LPAR1: variants seen among roughly 807,000 people sequenced by gnomAD.
LPAR1 encodes the protein lysophosphatidic acid receptor 1, also known as LPA receptor 1.
Under a neutral mutation model 23.8 loss-of-function variants are expected in LPAR1, and 5 were observed. The observed-to-expected ratio is 0.21, with a 90% CI of 0.11 to 0.44. The LOEUF is 0.44. LPAR1 is among the 20% of genes least tolerant of loss of function. The pLI is 0.99. For missense variants in LPAR1, 311 were observed against 482.8 expected (o/e 0.64, Z 3.33); for synonymous variants, 160 against 164.7 (o/e 0.97, Z 0.22).
chr9:110,962,739 T>G (rs920874933), intron 4 of LPAR1, among the ~76,000 whole-genome samples: 1 of 152,200 alleles, frequency 6.6e-6, no homozygotes, highest in African/African-American at 2.4e-5. Flanking sequence ...AACACAATCA[T>G]GTATGAAATG....
intron 4 of LPAR1, among the ~76,000 whole-genome samples, chr9:110,968,341 T>C (rs781588815): frequency 3.3e-5 from 5 of 152,158 alleles, no homozygotes; most frequent in Non-Finnish European, 5.9e-5. Flanking sequence ...TGAGTTGGTA[T>C]AGGTGGCTCT....
chr9:110,968,320 A>G (rs1029039317), intron 4 of LPAR1, among the ~76,000 whole-genome samples: 1 of 152,078 alleles, frequency 6.6e-6, no homozygotes, highest in Non-Finnish European at 1.5e-5. Context: ...AAATTTAACA[A>G]TCTGCTTCTG....
chr9:111,025,198 C>T (rs1438756300), intron 2 of LPAR1, among the ~76,000 whole-genome samples: 1 of 152,208 alleles, frequency 6.6e-6, no homozygotes, highest in Non-Finnish European at 1.5e-5. Flanking sequence ...TCTCCACATC[C>T]TCTCCAGCAT....
chr9:110,889,734 T>C lies in LPAR1; in HGVS notation c.794-14012A>G, dbSNP rs2083494551. 3.3e-5 allele frequency among the ~76,000 whole-genome samples: 5 copies of C among 152,342 alleles called. No homozygotes were observed. The South Asian group carries it at 1.0e-3, about 32-fold the overall frequency. ...GCTTGTTTGCTGTACAAATAGCATA[T>C]TGTGGTTACAAAATAATCACTATTG... On this transcript the variant is annotated intron_variant, in intron 5 of 5. Transcript: ENST00000683809.
At chr9:110,920,707 G>A (rs961910736) in intron 5 of LPAR1, among the ~76,000 whole-genome samples, 22 of 152,222 alleles carry the variant, frequency 1.4e-4, no homozygotes, top group East Asian at 3.9e-4. Context: ...AGTAATTCAC[G>A]TCATCTCTCT....
intron 5 of LPAR1, among the ~76,000 whole-genome samples, chr9:110,922,438 C>T (rs376856733): frequency 6.6e-6 from 1 of 152,064 alleles, no homozygotes; most frequent in Non-Finnish European, 1.5e-5. Flanking sequence ...ATGGTGGTTT[C>T]CAATCTGAAT....
At chr9:110,957,070 A>G (rs1186647785) in intron 4 of LPAR1, among the ~76,000 whole-genome samples, 1 of 152,174 alleles carries the variant, frequency 6.6e-6, no homozygotes, top group Non-Finnish European at 1.5e-5. Context: ...TAACACATCA[A>G]AAAGATAATA....
At chr9:110,986,661 G>A (rs1167845000) in intron 2 of LPAR1, among the ~76,000 whole-genome samples, 3 of 152,068 alleles carry the variant, frequency 2.0e-5, no homozygotes, top group Non-Finnish European at 4.4e-5. Context: ...GAAAATTAGG[G>A]AAGAAAAGAG....
At chr9:110,976,483 C>T (rs2096558186) in intron 2 of LPAR1, among the ~76,000 whole-genome samples, 2 of 152,108 alleles carry the variant, frequency 1.3e-5, no homozygotes, top group Admixed American at 1.3e-4. Flanking sequence ...CCAGCCTGGG[C>T]AACAGAGTGA....
At chr9:111,033,097 A>G (rs2097831118) in intron 2 of LPAR1, among the ~76,000 whole-genome samples, 1 of 152,224 alleles carries the variant, frequency 6.6e-6, no homozygotes, top group Non-Finnish European at 1.5e-5. Flanking sequence ...AATAAATTAT[A>G]ACCTAAATCC....
chr9:111,002,969 T>A (rs1588794885), intron 2 of LPAR1, among the ~76,000 whole-genome samples: 1 of 151,990 alleles, frequency 6.6e-6, no homozygotes, highest in South Asian at 2.1e-4. Context: ...TGAGACCCCA[T>A]CTCTACAAAA....
chr9:111,009,984 T>C (rs2097296645), intron 2 of LPAR1, among the ~76,000 whole-genome samples: 1 of 144,566 alleles, frequency 6.9e-6, no homozygotes, highest in African/African-American at 2.5e-5. Flanking sequence ...CATTTCTCAT[T>C]TCATAATTAG....
chr9:110,888,794 T>C (rs2083167355), intron 5 of LPAR1, among the ~76,000 whole-genome samples: 1 of 152,120 alleles, frequency 6.6e-6, no homozygotes, highest in Non-Finnish European at 1.5e-5. Flanking sequence ...TAGACACATT[T>C]TGACCATACA....
intron 4 of LPAR1, among the ~76,000 whole-genome samples, chr9:110,949,395 C>G (rs921246091): frequency 6.6e-6 from 1 of 152,202 alleles, no homozygotes; most frequent in African/African-American, 2.4e-5. Flanking sequence ...CCCTTTTCCA[C>G]TTCTATTGGT....
intron 5 of LPAR1, among the ~76,000 whole-genome samples, chr9:110,924,859 T>C (rs990454198): frequency 1.2e-4 from 18 of 152,204 alleles, no homozygotes; most frequent in African/African-American, 4.1e-4. Context: ...TAAATTCTCA[T>C]ACAGCTTTAT....
chr9:110,961,515 G>A (rs1588556792), intron 4 of LPAR1, among the ~76,000 whole-genome samples: 1 of 150,614 alleles, frequency 6.6e-6, no homozygotes, highest in Admixed American at 6.6e-5. Flanking sequence ...AGCTACTTGG[G>A]AGGCTGAGAC....
chr9:110,968,224 C>T (rs1242542312), intron 4 of LPAR1, among the ~76,000 whole-genome samples: 1 of 152,174 alleles, frequency 6.6e-6, no homozygotes, highest in Non-Finnish European at 1.5e-5. Context: ...CTAATTCTAG[C>T]ACTTGCCGAT....
chr9:111,003,760 T>C (rs1200195174), intron 2 of LPAR1, among the ~76,000 whole-genome samples: 1 of 152,148 alleles, frequency 6.6e-6, no homozygotes, highest in Non-Finnish European at 1.5e-5. Context: ...CCATTCTTTG[T>C]GGGAGTTAAG....
intron 4 of LPAR1, among the ~76,000 whole-genome samples, chr9:110,961,217 A>C (rs202041636): frequency 1.6e-4 from 1 of 6,362 alleles, no homozygotes; most frequent in Non-Finnish European, 8.7e-4. Flanking sequence ...TTTTAAGGGG[A>C]AAAAAAAAAA....
Sources: allele counts gnomAD v4.1 joint callset (sites outside exome capture counted in the v4.1 genomes callset), GRCh38; gene constraint gnomAD v4.1.1; transcripts MANE v1.5; gene names NCBI Gene and HGNC (gene_info 2026-07-23, HGNC 2026-07-21).